Variants in KIF13B observed in about 807,000 individuals in gnomAD.
The protein encoded by KIF13B is kinesin-like protein KIF13B.
KIF13B carries 127 observed loss-of-function variants against 222.0 expected under a neutral mutation model. The observed-to-expected ratio is 0.57, with a 90% CI of 0.50 to 0.66. The LOEUF is 0.66. KIF13B is among the 30% of genes least tolerant of loss of function. KIF13B has a pLI of 0.00. For synonymous variants in KIF13B, 976 were observed against 919.0 expected (o/e 1.06, Z -1.12); for missense variants, 2,173 against 2,379.0 (o/e 0.91, Z 1.80).
At chr8:29,145,805 C>CAAA (rs11371242) in intron 18 of KIF13B, 1,711 of 127,190 alleles carry the variant, frequency 0.013, 24 homozygotes, top group Non-Finnish European at 0.019. Flanking sequence ...AAAAGAACCT[C>CAAA]AAAAAAAAAA....
chr8:29,100,555 T>C (rs938192514), intron 35 of KIF13B, among the ~76,000 whole-genome samples: 2 of 152,142 alleles, frequency 1.3e-5, no homozygotes, highest in African/African-American at 2.4e-5. Flanking sequence ...GCGATTCTCC[T>C]GCCTTAGACT....
intron 13 of KIF13B, among the ~76,000 whole-genome samples, chr8:29,158,075 T>A (rs1040602639): frequency 6.6e-6 from 1 of 152,146 alleles, no homozygotes; most frequent in Admixed American, 6.5e-5. Flanking sequence ...GTTTCCTCCG[T>A]CTGAAATGTT....
chr8:29,089,075 A>C (rs1283396784), intron 37 of KIF13B, among the ~76,000 whole-genome samples: 1 of 152,158 alleles, frequency 6.6e-6, no homozygotes, highest in African/African-American at 2.4e-5. Flanking sequence ...CCACTCAGCC[A>C]TGCTTCTTTC....
intron 37 of KIF13B, among the ~76,000 whole-genome samples, chr8:29,088,159 G>A (rs960657220): frequency 2.6e-5 from 4 of 151,714 alleles, no homozygotes; most frequent in African/African-American, 7.3e-5. Context: ...CCAGCTACTC[G>A]GGAAGCTGAG....
intron 2 of KIF13B, among the ~76,000 whole-genome samples, chr8:29,223,998 T>A (rs1257716608): frequency 7.8e-6 from 1 of 129,022 alleles, no homozygotes; most frequent in Non-Finnish European, 1.6e-5. Context: ...GCCTACCAAT[T>A]TTTTTTTTCT....
rs529613473 is a variant in KIF13B at position 29,249,374 on chromosome 8, G to T, written c.56-3935C>A. Among the ~76,000 whole-genome samples, 8 of 149,522 alleles carry T rather than the reference G, an allele frequency of 5.4e-5. No homozygotes were observed. The East Asian group carries it at 1.6e-3, about 29-fold the overall frequency. The stretch of plus-strand genomic sequence containing the variant: ...GAAACCAGGAGGTGGAGGTTGCAGT[G>T]AGCCAAGATCACGCCACTGCACTCC... On this transcript the variant is annotated intron_variant, in intron 1 of 39. Coordinates refer to ENST00000524189, the MANE Select transcript of KIF13B (RefSeq NM_015254.4).
chr8:29,107,566 T>G (rs1380793306), intron 35 of KIF13B, among the ~76,000 whole-genome samples: 5 of 149,794 alleles, frequency 3.3e-5, no homozygotes, highest in Non-Finnish European at 7.4e-5. Context: ...AAGTTTCTTT[T>G]TTTTTTTTTT....
chr8:29,124,255 C>T (rs1742260997), intron 26 of KIF13B, 132 bp from the exon 27 acceptor site: 1 of 573,770 alleles, frequency 1.7e-6, no homozygotes. Context: ...TTTATTGCTA[C>T]CACCAGTTGA....
intron 31 of KIF13B, among the ~76,000 whole-genome samples, chr8:29,114,409 C>G (rs1809501048): frequency 6.6e-6 from 1 of 152,102 alleles, no homozygotes; most frequent in East Asian, 1.9e-4. Context: ...GCAGAGAGAC[C>G]ATTTATGTCA....
At chr8:29,115,995 T>G (rs1426554631) in intron 31 of KIF13B, among the ~76,000 whole-genome samples, 1 of 152,238 alleles carries the variant, frequency 6.6e-6, no homozygotes, top group Non-Finnish European at 1.5e-5. Context: ...CTGCACCACG[T>G]GCTCAGCTCA....
chr8:29,253,436 A>G (rs1259262634), intron 1 of KIF13B, among the ~76,000 whole-genome samples: 1 of 152,096 alleles, frequency 6.6e-6, no homozygotes, highest in African/African-American at 2.4e-5. Context: ...CATGCCTGTA[A>G]TCCTAGCACT....
At chr8:29,203,987 A>G (rs544022392) in intron 2 of KIF13B, among the ~76,000 whole-genome samples, 1 of 152,130 alleles carries the variant, frequency 6.6e-6, no homozygotes, top group South Asian at 2.1e-4. Flanking sequence ...GTAGGAGGAG[A>G]CCTAGAAAAG....
At chr8:29,189,077 A>G (rs1001611782) in intron 4 of KIF13B, among the ~76,000 whole-genome samples, 6 of 152,176 alleles carry the variant, frequency 3.9e-5, no homozygotes, top group African/African-American at 7.2e-5. Flanking sequence ...TAGGACAGGG[A>G]GTCAGAGCCT....
intron 2 of KIF13B, among the ~76,000 whole-genome samples, chr8:29,236,638 TAA>T (rs566053500): frequency 1.1e-3 from 174 of 152,300 alleles, no homozygotes; most frequent in African/African-American, 4.1e-3. Context: ...CCATCCTATA[TAA>T]GTTTTTACTT....
chr8:29,245,427 T>C lies in KIF13B; in HGVS notation c.68A>G (p.His23Arg), dbSNP rs1199136655. Residue 23 changes from histidine to arginine, a missense_variant, in exon 2 of 40, where the codon CAT becomes CGT. This residue lies in a region of KIF13B where 1,480 missense variants were observed against 1,722.8 expected (regional missense o/e 0.86). Coordinates refer to ENST00000524189, the MANE Select transcript of KIF13B (RefSeq NM_015254.4). Reference sequence around the variant, plus strand: ...ATCCACATCCACCACACATTTGGTATGCAAGTCAGTCTCTGTGGATAAAAA... The same window carrying C: ...ATCCACATCCACCACACATTTGGTACGCAAGTCAGTCTCTGTGGATAAAAA... ...RPMNRRETDL[H>R]TKCVVDVDAN... 22 of 1,595,760 alleles carry C rather than the reference T, an allele frequency of 1.4e-5. No homozygotes were observed. Among genetic ancestry groups the C allele is most frequent in the Non-Finnish European group, 1.8e-5 (21 of 1,169,342 alleles).
At chr8:29,082,990 A>G (rs1217093483) in intron 37 of KIF13B, among the ~76,000 whole-genome samples, 1 of 152,154 alleles carries the variant, frequency 6.6e-6, no homozygotes, top group Admixed American at 6.5e-5. Context: ...TTAGCCAGCC[A>G]TGGCGGTGTA....
chr8:29,165,904 T>TTCGATTGCAGATCGAAGTACC (rs370375995), intron 11 of KIF13B, 132 bp from the exon 12 acceptor site: 14,646 of 567,922 alleles, frequency 0.026, 654 homozygotes, highest in African/African-American at 0.12. Flanking sequence ...TGACATCTAC[T>TTCGATTGCAGATCGAAGTACC]TCGATTGTAG....
intron 31 of KIF13B, among the ~76,000 whole-genome samples, chr8:29,114,166 G>T (rs550593170): frequency 8.5e-5 from 13 of 152,252 alleles, no homozygotes; most frequent in Non-Finnish European, 1.6e-4. Context: ...AAGAGAGCAG[G>T]GATGAGAGCA....
intron 2 of KIF13B, among the ~76,000 whole-genome samples, chr8:29,214,477 G>C (rs1028207011): frequency 2.0e-5 from 3 of 152,136 alleles, no homozygotes; most frequent in African/African-American, 7.2e-5. Context: ...TCCACGTCTT[G>C]TCCCACTGGA....
Sources: allele counts gnomAD v4.1 joint callset (sites outside exome capture counted in the v4.1 genomes callset), GRCh38; gene constraint gnomAD v4.1.1; regional missense constraint gnomAD v4.1.1; transcripts MANE v1.5; gene names NCBI Gene and HGNC (gene_info 2026-07-23, HGNC 2026-07-21).